Variants in FARS2 observed in about 807,000 individuals in gnomAD.
FARS2 encodes phenylalanine--tRNA ligase, mitochondrial.
Under a neutral mutation model 46.4 loss-of-function variants are expected in FARS2, and 40 were observed. That is an observed-to-expected ratio of 0.86 (90% CI 0.67 to 1.12). The LOEUF (loss-of-function observed/expected upper bound fraction) is 1.12, where lower values mean the gene tolerates loss of function less well. Ranked by LOEUF, FARS2 falls within the 50% of genes most tolerant of loss-of-function variation. The probability of loss-of-function intolerance (pLI) is 0.00; values close to 1 mark genes in which losing one functional copy is unlikely to be tolerated. For synonymous variants in FARS2, 234 were observed against 214.9 expected (o/e 1.09, Z -0.78); for missense variants, 513 against 567.9 (o/e 0.90, Z 0.98).
intron 1 of FARS2, among the ~76,000 whole-genome samples, chr6:5,269,040 T>C (rs1311447506): frequency 6.6e-6 from 1 of 152,218 alleles, no homozygotes; most frequent in Non-Finnish European, 1.5e-5. Flanking sequence ...CATGCACACA[T>C]GTGTTTATTG....
chr6:5,415,161 A>G (rs577392430), intron 3 of FARS2, among the ~76,000 whole-genome samples: 4 of 151,772 alleles, frequency 2.6e-5, no homozygotes, highest in Non-Finnish European at 5.9e-5. Flanking sequence ...AACTGCTTGT[A>G]CCATGTTACA....
chr6:5,480,574 C>A (rs1470818766), intron 4 of FARS2, among the ~76,000 whole-genome samples: 1 of 152,234 alleles, frequency 6.6e-6, no homozygotes. Flanking sequence ...TAGGTTGAGA[C>A]ATGTGACTTT....
chr6:5,641,291 T>C lies in FARS2; in HGVS notation c.1217+27971T>C, dbSNP rs149222809. ...CGTTTCACGTGTCCCCAGTTTATTTTATTTTATTTTATTTTATTTTTTTGA... is the reference window on the plus strand; with the variant it reads ...CGTTTCACGTGTCCCCAGTTTATTTCATTTTATTTTATTTTATTTTTTTGA... On this transcript the variant is annotated intron_variant, in intron 6 of 6. Transcript: ENST00000274680. Among the ~76,000 whole-genome samples the C allele has an allele frequency of 3.1e-4, 47 of 152,176 alleles. 2 individuals are homozygous for C. The East Asian group carries it at 8.7e-3, about 28-fold the overall frequency.
chr6:5,266,990 TTC>T (rs1765588306), intron 1 of FARS2, among the ~76,000 whole-genome samples: 1 of 152,198 alleles, frequency 6.6e-6, no homozygotes, highest in African/African-American at 2.4e-5. Context: ...TGAAAATCTG[TTC>T]TCTGTTTTGA....
At chr6:5,404,802 CT>C (rs999576487) in intron 3 of FARS2, 101 bp downstream of exon 3, 36,000 of 555,122 alleles carry the variant, frequency 0.065, no homozygotes, top group East Asian at 0.11. Flanking sequence ...TTTTGAAATT[CT>C]TTTTTTTTTT....
intron 5 of FARS2, among the ~76,000 whole-genome samples, chr6:5,569,244 T>A (rs1399843305): frequency 3.2e-4 from 49 of 152,050 alleles, no homozygotes; most frequent in African/African-American, 1.1e-3. Context: ...TATAATTTTT[T>A]TTTTTTTTTT....
chr6:5,542,068 G>T (rs764181526), intron 4 of FARS2, among the ~76,000 whole-genome samples: 1 of 152,154 alleles, frequency 6.6e-6, no homozygotes, highest in Admixed American at 6.5e-5. Flanking sequence ...CACTTTTGTC[G>T]CCATCTTGGA....
At chr6:5,684,453 G>A (rs1757021419) in intron 6 of FARS2, among the ~76,000 whole-genome samples, 1 of 152,210 alleles carries the variant, frequency 6.6e-6, no homozygotes, top group Non-Finnish European at 1.5e-5. Context: ...GTCATTCTCT[G>A]AGGATTTCTG....
chr6:5,610,407 G>T (rs895863892), intron 5 of FARS2, among the ~76,000 whole-genome samples: 2 of 151,406 alleles, frequency 1.3e-5, no homozygotes, highest in Non-Finnish European at 1.5e-5. Flanking sequence ...TGTGGATTCA[G>T]CCAATTGTAG....
chr6:5,638,302 C>T (rs1370106047), intron 6 of FARS2, among the ~76,000 whole-genome samples: 7 of 152,208 alleles, frequency 4.6e-5, no homozygotes, highest in African/African-American at 1.7e-4. Flanking sequence ...CAGTGGCTCA[C>T]GCCTGTCATC....
intron 1 of FARS2, among the ~76,000 whole-genome samples, chr6:5,336,527 A>G (rs190703529): frequency 4.6e-5 from 7 of 152,288 alleles, no homozygotes; most frequent in Non-Finnish European, 1.0e-4. Flanking sequence ...AATTATGGGT[A>G]CATAGTAGGT....
intron 6 of FARS2, among the ~76,000 whole-genome samples, chr6:5,678,832 T>G (rs1243015850): frequency 1.3e-5 from 2 of 152,196 alleles, no homozygotes; most frequent in Non-Finnish European, 2.9e-5. Context: ...AAGCCCCTCT[T>G]TCTCCAAAGT....
At chr6:5,401,567 C>T (rs775113097) in intron 2 of FARS2, among the ~76,000 whole-genome samples, 1 of 152,078 alleles carries the variant, frequency 6.6e-6, no homozygotes, top group Non-Finnish European at 1.5e-5. Context: ...TTAACATGTT[C>T]TCCATTTGTT....
chr6:5,609,727 G>A (rs760273024), intron 5 of FARS2: 140 of 1,499,750 alleles, frequency 9.3e-5, no homozygotes, highest in East Asian at 1.4e-4. Flanking sequence ...AGTCATGGTC[G>A]TCAAAAGTTA....
At chr6:5,329,720 T>A (rs1770662384) in intron 1 of FARS2, among the ~76,000 whole-genome samples, 1 of 152,200 alleles carries the variant, frequency 6.6e-6, no homozygotes, top group African/African-American at 2.4e-5. Flanking sequence ...GTACTTACTA[T>A]TAACAGTTTA....
chr6:5,466,450 T>G (rs1298587400), intron 4 of FARS2: 1 of 866,202 alleles, frequency 1.2e-6, no homozygotes, highest in Non-Finnish European at 1.4e-6. Flanking sequence ...CTTAGTCAGC[T>G]CTATATTCCC....
intron 5 of FARS2, chr6:5,610,183 ACT>A (rs1561750050): frequency 3.7e-6 from 3 of 803,756 alleles, no homozygotes; most frequent in Admixed American, 2.2e-5. Flanking sequence ...TCTTTAGGAG[ACT>A]CTGACTTAGA....
intron 1 of FARS2, among the ~76,000 whole-genome samples, chr6:5,269,232 G>T (rs1223812087): frequency 6.6e-6 from 1 of 151,826 alleles, no homozygotes; most frequent in Non-Finnish European, 1.5e-5. Flanking sequence ...GCAAACTATC[G>T]CAAGGACAGA....
chr6:5,607,823 T>G (rs145136083), intron 5 of FARS2, among the ~76,000 whole-genome samples: 3,438 of 152,194 alleles, frequency 0.023, 131 homozygotes, highest in African/African-American at 0.078. Context: ...TATCTTTTTA[T>G]TAGAAAGTGA....
Sources: allele counts gnomAD v4.1 joint callset (sites outside exome capture counted in the v4.1 genomes callset), GRCh38; gene constraint gnomAD v4.1.1; transcripts MANE v1.5; gene names NCBI Gene and HGNC (gene_info 2026-07-23, HGNC 2026-07-21).